Variants in WFDC1 observed in about 807,000 individuals in gnomAD.
WFDC1 encodes the protein WAP four-disulfide core domain protein 1.
A neutral mutation model predicts 32.9 loss-of-function variants in WFDC1; 39 were observed. The ratio of observed to expected loss-of-function variants is 1.19; its 90% confidence interval spans 0.92 to 1.55. The LOEUF is 1.55. Ranked by LOEUF, WFDC1 falls within the 40% of genes most tolerant of loss-of-function variation. The pLI is 0.00. For synonymous variants in WFDC1, 184 were observed against 137.4 expected, an observed-to-expected ratio of 1.34 and a Z score of -2.37; for missense variants, 386 against 309.5, an observed-to-expected ratio of 1.25 and a Z score of -1.85.
intron 5 of WFDC1, chr16:84,326,540 A>C: frequency 3.9e-6 from 1 of 253,918 alleles, no homozygotes. Context: ...AGGAGGAGAC[A>C]TGAAAGCTCA....
chr16:84,325,099 C>G (rs776196062), intron 5 of WFDC1, among the ~76,000 whole-genome samples: 4 of 152,088 alleles, frequency 2.6e-5, no homozygotes, highest in African/African-American at 4.8e-5. Flanking sequence ...ATCCCTCCAT[C>G]CATCCATCCT....
intron 4 of WFDC1, among the ~76,000 whole-genome samples, chr16:84,323,939 G>A (rs927210466): frequency 6.6e-6 from 1 of 152,302 alleles, no homozygotes; most frequent in South Asian, 2.1e-4. Flanking sequence ...TGACCAACAT[G>A]GCGATACCCC....
intron 2 of WFDC1, chr16:84,318,053 G>A: frequency 1.9e-6 from 1 of 519,778 alleles, no homozygotes. Flanking sequence ...CTGCAAGGGA[G>A]GCAGGGAAGG....
intron 1 of WFDC1, among the ~76,000 whole-genome samples, chr16:84,305,316 C>T (rs1476164794): frequency 1.3e-5 from 2 of 152,208 alleles, no homozygotes; most frequent in African/African-American, 4.8e-5. Context: ...GCAGTGGTAC[C>T]TACTGGGGAG....
At chr16:84,319,288 A>C in intron 3 of WFDC1, 143 bp from the exon 4 acceptor site, 1 of 1,142,176 alleles carries the variant, frequency 8.8e-7, no homozygotes, top group Non-Finnish European at 1.2e-6. Flanking sequence ...CCTAGCCTGG[A>C]ACCTGGGGTA....
chr16:84,295,421 C>A, intron 1 of WFDC1: 2 of 489,668 alleles, frequency 4.1e-6, no homozygotes, highest in African/African-American at 1.9e-5. Context: ...CATTTCGGAA[C>A]CCCAGGATTT....
intron 1 of WFDC1, among the ~76,000 whole-genome samples, chr16:84,309,618 T>C (rs1907489113): frequency 6.6e-6 from 1 of 151,788 alleles, no homozygotes; most frequent in Non-Finnish European, 1.5e-5. Context: ...CCAACAGAAA[T>C]GAATTGTCTC....
At chr16:84,309,698 C>T (rs1464324161) in intron 1 of WFDC1, among the ~76,000 whole-genome samples, 1 of 152,024 alleles carries the variant, frequency 6.6e-6, no homozygotes, top group African/African-American at 2.4e-5. Flanking sequence ...AGAGCCGCGC[C>T]CCCCCAACTC....
At chr16:84,316,108 A>C (rs1376335072) in intron 2 of WFDC1, 1 of 152,236 alleles carries the variant, frequency 6.6e-6, no homozygotes, top group Non-Finnish European at 1.5e-5. Context: ...AATGTTTCCT[A>C]ACACGTGGTC....
chr16:84,323,881 C>T (rs1908440942), intron 4 of WFDC1, among the ~76,000 whole-genome samples: 1 of 152,202 alleles, frequency 6.6e-6, no homozygotes, highest in East Asian at 1.9e-4. Flanking sequence ...AGCACTTTGG[C>T]AGGCTGAGGT....
At chr16:84,326,487 C>G (rs1467917957) in intron 5 of WFDC1, 28 of 190,502 alleles carry the variant, frequency 1.5e-4, no homozygotes, top group Non-Finnish European at 2.3e-4. Flanking sequence ...ATGCTGGATA[C>G]TATGAGGACA....
intron 1 of WFDC1, among the ~76,000 whole-genome samples, chr16:84,296,625 C>A (rs1906613832): frequency 6.6e-6 from 1 of 152,134 alleles, no homozygotes; most frequent in African/African-American, 2.4e-5. Context: ...CTCATATTCT[C>A]CATGTTCGGC....
chr16:84,324,797 C>T (rs1908492330), intron 5 of WFDC1, among the ~76,000 whole-genome samples: 5 of 152,168 alleles, frequency 3.3e-5, no homozygotes, highest in Admixed American at 3.3e-4. Context: ...TCCATCTCTC[C>T]ATCTATTATT....
In WFDC1 at chr16:84,295,135, A is replaced by G; in HGVS notation, c.144+20A>G. 1.2e-6 allele frequency: 2 copies of G among 1,612,310 alleles called. No individual in the cohort carries two copies. Among genetic ancestry groups the G allele is most frequent in the Non-Finnish European group, 1.7e-6 (2 of 1,179,066 alleles). ...TCCCGTGTAAGTGCCTGGGATGGGGAGGCTGGGGCAGCCTGTGTGGGTGGG... is the reference window on the plus strand; with the variant it reads ...TCCCGTGTAAGTGCCTGGGATGGGGGGGCTGGGGCAGCCTGTGTGGGTGGG... On this transcript the variant is annotated intron_variant, in intron 1 of 6. Transcript: ENST00000219454.
At chr16:84,327,709 C>G (rs550364758) in intron 6 of WFDC1, 1 of 152,216 alleles carries the variant, frequency 6.6e-6, no homozygotes, top group Non-Finnish European at 1.5e-5. Flanking sequence ...CAAGACCAGA[C>G]TAGGTCGCAA....
chr16:84,299,760 AG>A (rs1296678013), intron 1 of WFDC1, among the ~76,000 whole-genome samples: 1 of 152,182 alleles, frequency 6.6e-6, no homozygotes, highest in Non-Finnish European at 1.5e-5. Context: ...GCACCCCTCC[AG>A]GGCAGCTGGA....
chr16:84,300,545 C>T (rs1490946159), intron 1 of WFDC1, among the ~76,000 whole-genome samples: 1 of 152,254 alleles, frequency 6.6e-6, no homozygotes, highest in African/African-American at 2.4e-5. Flanking sequence ...ATATATCCAA[C>T]CCCTAACTTC....
At chr16:84,323,466 G>A (rs533547777) in intron 4 of WFDC1, among the ~76,000 whole-genome samples, 3 of 152,258 alleles carry the variant, frequency 2.0e-5, no homozygotes, top group South Asian at 2.1e-4. Flanking sequence ...TGGGTAGCAC[G>A]GCTAGTCATG....
Position 84,319,702 on chromosome 16 carries a change from C to T in WFDC1, c.562+131C>T. 2.5e-6 allele frequency: 3 copies of T among 1,208,242 alleles called. 1 individual carries two copies. In the South Asian group the frequency reaches 4.6e-5, roughly 19 times the overall value. The allele number at this position is 1,208,242 out of a possible 1,614,324, so 74.8% of individuals were successfully genotyped here. ...CACCTGGGCCTGACTGAGAGCTCCT[C>T]ACATCTTCCCCCTGCCCGGCTCCTT... is the stretch of plus-strand genomic sequence containing the variant. On this transcript the variant is annotated intron_variant, in intron 4 of 6. Coordinates refer to ENST00000219454, the MANE Select transcript of WFDC1 (RefSeq NM_021197.4).
Sources: allele counts gnomAD v4.1 joint callset (sites outside exome capture counted in the v4.1 genomes callset), GRCh38; gene constraint gnomAD v4.1.1; transcripts MANE v1.5; gene names NCBI Gene and HGNC (gene_info 2026-07-23, HGNC 2026-07-21).